The following MCM9 variants were observed in gnomAD, a reference collection of about 807,000 sequenced individuals.
MCM9 encodes DNA helicase MCM9.
A neutral mutation model predicts 72.8 loss-of-function variants in MCM9; 55 were observed. The ratio of observed to expected loss-of-function variants is 0.76; its 90% CI spans 0.61 to 0.95. The LOEUF is 0.95. Ranked by LOEUF, MCM9 falls within the 40% of genes least tolerant of loss-of-function variation. The pLI, the probability that MCM9 is intolerant of heterozygous loss-of-function variation, is 0.00. For missense variants in MCM9, 1,279 were observed against 1,377.0 expected, an observed-to-expected ratio of 0.93 and a Z score of 1.13; for synonymous variants, 480 against 503.4, an observed-to-expected ratio of 0.95 and a Z score of 0.62.
intron 8 of MCM9, among the ~76,000 whole-genome samples, chr6:118,857,907 T>C (rs36141626): frequency 0.71 from 107,166 of 151,618 alleles, 39,179 homozygotes; most frequent in South Asian, 0.8. Context: ...GATGGCTTCA[T>C]AGTGAATTCT....
intron 12 of MCM9, 39 bp downstream of exon 12, chr6:118,826,743 G>T: frequency 7.0e-7 from 1 of 1,436,626 alleles, no homozygotes; most frequent in Non-Finnish European, 9.4e-7. Flanking sequence ...AAGAAAGTTT[G>T]TAATTAGGAT....
intron 8 of MCM9, chr6:118,894,488 G>A (rs1430185444): frequency 7.2e-6 from 11 of 1,537,070 alleles, no homozygotes; most frequent in Middle Eastern, 1.7e-4. Context: ...TCCAGTTCGA[G>A]ATCACCTTCG....
At chr6:118,888,208 C>T (rs1359978135) in intron 8 of MCM9, among the ~76,000 whole-genome samples, 3 of 152,038 alleles carry the variant, frequency 2.0e-5, no homozygotes, top group Admixed American at 1.3e-4. Context: ...GTCTGGTGGC[C>T]GGGCATGGTG....
intron 9 of MCM9, among the ~76,000 whole-genome samples, chr6:118,856,151 T>C (rs576786409): frequency 6.6e-6 from 1 of 152,350 alleles, no homozygotes; most frequent in Admixed American, 6.5e-5. Flanking sequence ...ACCACATTTA[T>C]ACTTTACTTT....
chr6:118,884,678 A>G (rs1212357779), intron 8 of MCM9, among the ~76,000 whole-genome samples: 1 of 152,232 alleles, frequency 6.6e-6, no homozygotes, highest in Non-Finnish European at 1.5e-5. Context: ...GCTATCTACA[A>G]GAGGTATTTT....
chr6:118,932,474 T>C (rs1248944229), intron 2 of MCM9, 133 bp downstream of exon 2: 1 of 362,734 alleles, frequency 2.8e-6, no homozygotes, highest in Non-Finnish European at 3.8e-6. Flanking sequence ...TCAGTAACAG[T>C]GGAGTTCTTT....
At chr6:118,894,500 G>C (rs1171096378) in intron 8 of MCM9, 2 of 1,537,162 alleles carry the variant, frequency 1.3e-6, no homozygotes, top group Non-Finnish European at 1.7e-6. Context: ...TCACCTTCGA[G>C]TGCATCGAGG....
intron 8 of MCM9, among the ~76,000 whole-genome samples, chr6:118,886,808 T>C (rs1778636428): frequency 6.6e-6 from 1 of 151,762 alleles, no homozygotes; most frequent in Admixed American, 6.6e-5. Context: ...TTTCAAAAAA[T>C]TAGCCGGATG....
chr6:118,893,367 C>A (rs1028050396), intron 8 of MCM9, among the ~76,000 whole-genome samples: 1 of 152,202 alleles, frequency 6.6e-6, no homozygotes. Flanking sequence ...CCTAACACTT[C>A]CATTTTCTCC....
chr6:118,930,103 A>ATTTTATTTTAT (rs4027511), intron 3 of MCM9, among the ~76,000 whole-genome samples: 136 of 145,802 alleles, frequency 9.3e-4, no homozygotes, highest in Middle Eastern at 3.5e-3. Flanking sequence ...TTATTTATTT[A>ATTTTATTTTAT]TTTATTTTAT....
chr6:118,894,227 G>C, intron 8 of MCM9: 9 of 1,417,090 alleles, frequency 6.4e-6, no homozygotes, highest in Non-Finnish European at 8.3e-6. Context: ...AGTGAAATAG[G>C]AAAGCTGCAA....
chr6:118,851,789 C>T (rs1051229314), intron 9 of MCM9, among the ~76,000 whole-genome samples: 3 of 149,198 alleles, frequency 2.0e-5, no homozygotes, highest in African/African-American at 7.8e-5. Context: ...AGAACCTTAT[C>T]TTGAAACTAT....
In MCM9 at chr6:118,933,566, G is replaced by C. The variant is rs963979993; in HGVS notation, c.-149-826C>G. The stretch of plus-strand genomic sequence containing the variant: ...TGGAAAGAGATTGAGGACTGGAGAA[G>C]AGGTGTACTTAAATTTGACTTACTT... On this transcript the variant is annotated intron_variant, in intron 1 of 13. Coordinates refer to ENST00000619706, the MANE Select transcript of MCM9 (RefSeq NM_017696.3). 4.0e-5 allele frequency among the ~76,000 whole-genome samples: 6 copies of C among 151,808 alleles called. No homozygotes were observed. In the South Asian group the frequency reaches 1.0e-3, roughly 26 times the overall value.
rs148586426 is a variant in MCM9, at chr6:118,853,437, C to T, written c.1325+2934G>A. Among the ~76,000 whole-genome samples, 1,148 of 152,016 alleles carry T rather than the reference C, an allele frequency of 7.6e-3. 8 individuals carry two copies. The highest frequency in any genetic ancestry group is 0.029 in the South Asian group (138 of 4,812). On this transcript the variant is annotated intron_variant, in intron 9 of 13. Transcript: ENST00000619706. Reference sequence around the variant, plus strand: ...CAGCCTGCCGATTTCTACAAAAAAGCTTGTTGGGATTTTTTTTTTTGTTAA... The same window carrying T: ...CAGCCTGCCGATTTCTACAAAAAAGTTTGTTGGGATTTTTTTTTTTGTTAA...
intron 3 of MCM9, among the ~76,000 whole-genome samples, chr6:118,927,622 A>G (rs1782008150): frequency 6.6e-6 from 1 of 151,932 alleles, no homozygotes; most frequent in Non-Finnish European, 1.5e-5. Flanking sequence ...AAAAAAAGCA[A>G]GAAAAGAAAG....
intron 9 of MCM9, among the ~76,000 whole-genome samples, chr6:118,832,542 T>A (rs983946255): frequency 6.6e-6 from 1 of 152,220 alleles, no homozygotes; most frequent in Admixed American, 6.5e-5. Context: ...ATTTACAGGC[T>A]TTGTCATAAA....
At chr6:118,914,607 A>G (rs1328681498) in intron 6 of MCM9, among the ~76,000 whole-genome samples, 1 of 152,138 alleles carries the variant, frequency 6.6e-6, no homozygotes, top group Admixed American at 6.6e-5. Flanking sequence ...GAAAGCCTGG[A>G]GAAAAGGTCA....
At chr6:118,828,936 C>T (rs2114554617) in intron 10 of MCM9, 112 bp downstream of exon 10, 1 of 1,078,776 alleles carries the variant, frequency 9.3e-7, no homozygotes, top group Non-Finnish European at 1.3e-6. Context: ...TCTCTATTGC[C>T]TGGTACTACA....
At chr6:118,824,061 T>C (rs1165904250) in intron 13 of MCM9, among the ~76,000 whole-genome samples, 124 of 115,896 alleles carry the variant, frequency 1.1e-3, no homozygotes, top group African/African-American at 3.8e-3. Flanking sequence ...TTTTTTTTTT[T>C]TTTTTTTTTA....
Sources: gnomAD v4.1 joint callset for allele counts (sites outside exome capture counted in the v4.1 genomes callset) on GRCh38, gnomAD v4.1.1 for gene constraint, MANE v1.5 for transcripts, NCBI Gene and HGNC (gene_info 2026-07-23, HGNC 2026-07-21) for gene names.